Variants in CD99 observed in about 807,000 individuals in gnomAD.
The protein encoded by CD99 is CD99 antigen.
Under a neutral mutation model 28.4 loss-of-function variants are expected in CD99, and 19 were observed. That is an observed-to-expected ratio of 0.67 (90% CI 0.47 to 0.98). CD99 has a LOEUF of 0.98. CD99 is among the 50% of genes least tolerant of loss of function. The pLI, the probability that CD99 is intolerant of heterozygous loss-of-function variation, is 0.00. For missense variants in CD99, 283 were observed against 248.8 expected, an observed-to-expected ratio of 1.14 and a Z score of -0.92; for synonymous variants, 103 against 92.1, an observed-to-expected ratio of 1.12 and a Z score of -0.67.
chrX:2,736,811 C>T (rs773241686), intron 8 of CD99, among the ~76,000 whole-genome samples: 4 of 151,820 alleles, frequency 2.6e-5, no homozygotes, highest in Admixed American at 6.6e-5. Context: ...GAGCTGATAT[C>T]GCGCCACTGC....
chrX:2,704,041 T>C (rs311046), intron 1 of CD99, among the ~76,000 whole-genome samples: 70,031 of 151,864 alleles, frequency 0.46, 16,861 homozygotes, highest in South Asian at 0.54. Context: ...TGCAGGCTCA[T>C]GAGCCTCACC....
chrX:2,714,665 T>G (rs2048601912), intron 2 of CD99: 6 of 441,060 alleles, frequency 1.4e-5, no homozygotes, highest in Non-Finnish European at 2.5e-5. Flanking sequence ...AAAAACAGTA[T>G]ACTCCAATTG....
At chrX:2,702,676 T>A (rs2047914596) in intron 1 of CD99, among the ~76,000 whole-genome samples, 1 of 152,222 alleles carries the variant, frequency 6.6e-6, no homozygotes, top group Admixed American at 6.5e-5. Context: ...GTACAGATTA[T>A]TTCATCACTG....
At chrX:2,701,193 A>G in intron 1 of CD99, among the ~76,000 whole-genome samples, 1 of 149,850 alleles carries the variant, frequency 6.7e-6, no homozygotes, top group Non-Finnish European at 1.5e-5. Context: ...TCACTAATTT[A>G]TCCACTCACC....
rs761951342 is a variant in CD99, at chrX:2,691,582, C to G, written c.67+155C>G. The G allele has an allele frequency of 3.7e-6, 3 of 806,308 alleles. No individual in the cohort carries two copies. The Admixed American group carries it at 6.0e-5, about 16-fold the overall frequency. The allele number at this position is 806,308 out of a possible 1,614,324, so 49.9% of individuals were successfully genotyped here. A position where few individuals can be genotyped will look rare whatever the true frequency, so the allele number is the denominator to read the frequency against. The stretch of plus-strand genomic sequence containing the variant: ...CGCTGTGCCCACGGGGGCCCAGGCC[C>G]GGAGGAGGCGCCCACTTTCTCCCCA... On this transcript the variant is annotated intron_variant, in intron 1 of 9. Transcript: ENST00000381192.
At chrX:2,719,198 C>A in intron 3 of CD99, 1 of 159,060 alleles carries the variant, frequency 6.3e-6, no homozygotes, top group Non-Finnish European at 1.4e-5. Context: ...ATGTTTTAGA[C>A]ACCCTCTAGC....
At chrX:2,722,354 C>T (rs759480361) in intron 5 of CD99, among the ~76,000 whole-genome samples, 1 of 152,206 alleles carries the variant, frequency 6.6e-6, no homozygotes, top group South Asian at 2.1e-4. Flanking sequence ...GAGTTTAGCT[C>T]TTCTTGCCCA....
intron 6 of CD99, 95 bp from the exon 7 acceptor site, chrX:2,723,219 G>A: frequency 1.6e-6 from 2 of 1,256,720 alleles, no homozygotes; most frequent in Admixed American, 1.7e-5. Context: ...CCCGTAGAGT[G>A]TAAGAAGCAG....
In CD99 at chrX:2,733,609, A is replaced by C. The variant is rs888659317; in HGVS notation, c.476-4591A>C. On this transcript the variant is annotated intron_variant, in intron 8 of 9. Transcript: ENST00000381192. ...ATAGCAAATCATATTTCTGCATAAGAGCTTCAGAAAATGAAGAGAAATGCA... is the reference window on the plus strand; with the variant it reads ...ATAGCAAATCATATTTCTGCATAAGCGCTTCAGAAAATGAAGAGAAATGCA... 5.7e-6 allele frequency: 3 copies of C among 525,324 alleles called. No homozygotes were observed. In the South Asian group the frequency reaches 1.1e-4, roughly 20 times the overall value. 32.5% of individuals were successfully genotyped at this position (525,324 alleles called of 1,614,324 possible).
chrX:2,701,830 C>A (rs2047878578), intron 1 of CD99, among the ~76,000 whole-genome samples: 1 of 152,172 alleles, frequency 6.6e-6, no homozygotes, highest in Non-Finnish European at 1.5e-5. Context: ...CTATTTTTGG[C>A]AGAGCGTGGA....
intron 2 of CD99, 169 bp downstream of exon 2, chrX:2,714,623 TAGTC>T (rs2048599337): frequency 3.5e-6 from 2 of 571,388 alleles, no homozygotes; most frequent in Admixed American, 2.9e-5. Flanking sequence ...CTCTCAACTG[TAGTC>T]TATTAAGTAT....
intron 8 of CD99, among the ~76,000 whole-genome samples, chrX:2,730,291 G>A: frequency 6.6e-6 from 1 of 151,558 alleles, no homozygotes; most frequent in Non-Finnish European, 1.5e-5. Context: ...TCCTGCCTCA[G>A]CTTCCCGAGC....
At chrX:2,714,269 A>G in intron 1 of CD99, 153 bp from the exon 2 acceptor site, 1 of 176,436 alleles carries the variant, frequency 5.7e-6, no homozygotes, top group Non-Finnish European at 1.1e-5. Flanking sequence ...GAATATTTAG[A>G]ATGAGAAGAG....
chrX:2,733,326 AT>A, intron 8 of CD99: 1 of 1,560,134 alleles, frequency 6.4e-7, no homozygotes, highest in Non-Finnish European at 8.7e-7. Context: ...TTGTATTATT[AT>A]TTTTTATCGT....
chrX:2,715,681 A>T (rs1233765802), intron 2 of CD99: 1 of 150,068 alleles, frequency 6.7e-6, no homozygotes, highest in East Asian at 2.0e-4. Context: ...ACCACTGCTC[A>T]ATCCACTGCA....
rs1172393837 is a variant in CD99, at chrX:2,726,340, T to C, written c.442T>C (p.Tyr148His). 6.2e-7 allele frequency: 1 copy of C among 1,611,650 alleles called. No homozygotes were observed. Among genetic ancestry groups the C allele is most frequent in the South Asian group, 1.1e-5 (1 of 90,994 alleles). Residue 148 changes from tyrosine to histidine, a missense_variant, in exon 8 of 10, where the codon TAC becomes CAC. Transcript: ENST00000381192. Reference sequence around the variant, plus strand: ...TGGAGCCATCTCTAGCTTCATTGCTTACCAGAAAAAGAAGCTATGCTTCAA... The same window carrying C: ...TGGAGCCATCTCTAGCTTCATTGCTCACCAGAAAAAGAAGCTATGCTTCAA... The part of the protein sequence containing the change: ...VAGAISSFIA[Y>H]QKKKLCFKEN...
chrX:2,733,441 T>C (rs1312656085), intron 8 of CD99: 16 of 1,518,600 alleles, frequency 1.1e-5, no homozygotes, highest in South Asian at 1.2e-5. Context: ...TGCTAAGACA[T>C]AGCCTTAAAG....
At chrX:2,735,371 C>T (rs2049881097) in intron 8 of CD99, among the ~76,000 whole-genome samples, 1 of 152,164 alleles carries the variant, frequency 6.6e-6, no homozygotes, top group African/African-American at 2.4e-5. Context: ...CATGCTTGGT[C>T]TAAGTTTTGA....
intron 1 of CD99, among the ~76,000 whole-genome samples, chrX:2,703,617 T>TAA (rs2047981367): frequency 2.1e-5 from 3 of 142,682 alleles, no homozygotes; most frequent in African/African-American, 8.0e-5. Context: ...TGTGTGTGTG[T>TAA]GTGTGTGTGT....
Sources: allele counts gnomAD v4.1 joint callset (sites outside exome capture counted in the v4.1 genomes callset), GRCh38; gene constraint gnomAD v4.1.1; transcripts MANE v1.5; gene names NCBI Gene and HGNC (gene_info 2026-07-23, HGNC 2026-07-21).